The following PTPRD variants were observed in gnomAD, a reference collection of about 807,000 sequenced individuals.
The protein encoded by PTPRD is receptor-type tyrosine-protein phosphatase delta.
In PTPRD, 34 loss-of-function variants were observed where a neutral mutation model predicts 214.5. The observed-to-expected ratio is 0.16, with a 90% confidence interval of 0.12 to 0.21. PTPRD has a LOEUF of 0.21. PTPRD is among the 10% of genes least tolerant of loss of function. The pLI, the probability that PTPRD is intolerant of heterozygous loss-of-function variation, is 1.00. For synonymous variants in PTPRD, 1,128 were observed against 845.7 expected (o/e 1.33, Z -5.79); for missense variants, 2,545 against 2,398.7 (o/e 1.06, Z -1.27).
At chr9:9,692,261 T>G in intron 7 of PTPRD, among the ~76,000 whole-genome samples, 1 of 151,808 alleles carries the variant, frequency 6.6e-6, no homozygotes, top group East Asian at 1.9e-4. Context: ...GTTTGAGGTC[T>G]TAGATTTATG....
intron 8 of PTPRD, among the ~76,000 whole-genome samples, chr9:9,436,770 A>T (rs1337406601): frequency 1.3e-5 from 2 of 152,022 alleles, no homozygotes; most frequent in Non-Finnish European, 2.9e-5. Flanking sequence ...CACAGCACAT[A>T]TGCATACATT....
intron 11 of PTPRD, among the ~76,000 whole-genome samples, chr9:8,786,198 CAG>C (rs2095956109): frequency 1.3e-5 from 2 of 152,068 alleles, no homozygotes; most frequent in Admixed American, 1.3e-4. Context: ...ATTAACGACT[CAG>C]AGATAATTGA....
chr9:8,934,697 A>G (rs1250382156), intron 11 of PTPRD, among the ~76,000 whole-genome samples: 1 of 150,252 alleles, frequency 6.7e-6, no homozygotes, highest in Admixed American at 6.7e-5. Flanking sequence ...GCCATGCTAT[A>G]CATGAGATTT....
intron 35 of PTPRD, among the ~76,000 whole-genome samples, chr9:8,416,165 A>G (rs1483125360): frequency 1.3e-5 from 2 of 152,194 alleles, no homozygotes; most frequent in Non-Finnish European, 2.9e-5. Flanking sequence ...AGTAGATTAT[A>G]TGAAAAAGTG....
intron 2 of PTPRD, among the ~76,000 whole-genome samples, chr9:10,426,041 G>A (rs996423171): frequency 2.0e-5 from 3 of 151,882 alleles, no homozygotes; most frequent in Non-Finnish European, 4.4e-5. Flanking sequence ...CTATAAAAAT[G>A]TAATATTTTG....
chr9:8,374,566 C>T (rs1054395681), intron 39 of PTPRD, among the ~76,000 whole-genome samples: 5 of 151,912 alleles, frequency 3.3e-5, no homozygotes, highest in South Asian at 4.2e-4. Context: ...GACTTGAGGC[C>T]GATTACGCCA....
At chr9:9,130,747 A>G (rs2099841370) in intron 10 of PTPRD, among the ~76,000 whole-genome samples, 2 of 152,130 alleles carry the variant, frequency 1.3e-5, no homozygotes, top group African/African-American at 4.8e-5. Context: ...TTGAATGGAA[A>G]TCTTTGATTG....
intron 14 of PTPRD, among the ~76,000 whole-genome samples, chr9:8,594,489 T>A (rs2094348326): frequency 6.6e-6 from 1 of 152,206 alleles, no homozygotes; most frequent in African/African-American, 2.4e-5. Context: ...CCTAATCATT[T>A]GATACGGTTT....
At chr9:9,884,174 C>T (rs1335837277) in intron 5 of PTPRD, among the ~76,000 whole-genome samples, 1 of 152,064 alleles carries the variant, frequency 6.6e-6, no homozygotes, top group African/African-American at 2.4e-5. Context: ...TAAGCCTCCC[C>T]ATCATCCTTC....
chr9:9,020,676 G>C (rs1452816672), intron 10 of PTPRD, among the ~76,000 whole-genome samples: 1 of 152,138 alleles, frequency 6.6e-6, no homozygotes, highest in Non-Finnish European at 1.5e-5. Flanking sequence ...ATGCCTGTGA[G>C]ACAATCAAAT....
At chr9:8,424,398 C>T (rs1251733548) in intron 35 of PTPRD, among the ~76,000 whole-genome samples, 1 of 152,092 alleles carries the variant, frequency 6.6e-6, no homozygotes, top group African/African-American at 2.4e-5. Context: ...GAGTAAGTTA[C>T]TTAACTTTCA....
At chr9:8,583,475 A>C (rs2093363770) in intron 14 of PTPRD, among the ~76,000 whole-genome samples, 1 of 152,202 alleles carries the variant, frequency 6.6e-6, no homozygotes, top group African/African-American at 2.4e-5. Context: ...ACAAGCCACC[A>C]CGCATGGCTG....
intron 9 of PTPRD, among the ~76,000 whole-genome samples, chr9:9,352,483 C>A (rs1596254419): frequency 6.6e-6 from 1 of 151,726 alleles, no homozygotes; most frequent in South Asian, 2.1e-4. Flanking sequence ...ACAACAAAAT[C>A]TGCCTCATTT....
intron 2 of PTPRD, among the ~76,000 whole-genome samples, chr9:10,562,728 G>T (rs905987919): frequency 1.3e-5 from 2 of 152,036 alleles, no homozygotes; most frequent in African/African-American, 2.4e-5. Context: ...TACATGCATA[G>T]AATAGTCCAA....
chr9:9,908,899 A>G (rs1397459573), intron 5 of PTPRD, among the ~76,000 whole-genome samples: 8 of 152,002 alleles, frequency 5.3e-5, no homozygotes, highest in Non-Finnish European at 8.8e-5. Context: ...TTTAATGGTC[A>G]GTTAAACCAA....
intron 9 of PTPRD, among the ~76,000 whole-genome samples, chr9:9,194,964 C>T (rs1402931054): frequency 1.3e-5 from 2 of 151,186 alleles, no homozygotes; most frequent in East Asian, 2.0e-4. Flanking sequence ...ATAGTATTAT[C>T]AAGGACCAGT....
chr9:9,116,685 T>C (rs1229023573), intron 10 of PTPRD, among the ~76,000 whole-genome samples: 1 of 151,896 alleles, frequency 6.6e-6, no homozygotes, highest in Non-Finnish European at 1.5e-5. Context: ...ATTGTTTTTC[T>C]TGGGGGGGAA....
chr9:8,851,589 C>T (rs2097815397), intron 11 of PTPRD, among the ~76,000 whole-genome samples: 1 of 152,120 alleles, frequency 6.6e-6, no homozygotes, highest in Non-Finnish European at 1.5e-5. Flanking sequence ...TAACAAATAG[C>T]TGAAGACAAC....
At position 10,069,888 on chromosome 9, in the gene PTPRD, TAAAAG is replaced by T. The variant is rs539393261; in HGVS notation, c.-544-36103_-544-36099del. 1.3e-4 allele frequency among the ~76,000 whole-genome samples: 20 copies of T among 152,102 alleles called. No individual in the cohort carries two copies. In the East Asian group the frequency reaches 3.7e-3, roughly 28 times the overall value. ...AATATCTACTAAATTATATATACTA[TAAAAG>T]AAGAGATCCTATGTATTTGCTATTT... On this transcript the variant is annotated intron_variant, in intron 3 of 45. Coordinates refer to ENST00000381196, the MANE Select transcript of PTPRD (RefSeq NM_002839.4).
Sources: allele counts gnomAD v4.1 joint callset (sites outside exome capture counted in the v4.1 genomes callset), GRCh38; gene constraint gnomAD v4.1.1; transcripts MANE v1.5; gene names NCBI Gene and HGNC (gene_info 2026-07-23, HGNC 2026-07-21).